Variants in SMG1 observed in about 807,000 individuals in gnomAD.
SMG1 encodes serine/threonine-protein kinase SMG1.
A neutral mutation model predicts 419.9 loss-of-function variants in SMG1; 22 were observed. The observed-to-expected ratio is 0.05, with a 90% CI of 0.04 to 0.07. The LOEUF is 0.07. SMG1 is among the 10% of genes least tolerant of loss of function. The pLI is 1.00. For missense variants in SMG1, 3,185 were observed against 4,342.0 expected (o/e 0.73, Z 7.49); for synonymous variants, 1,538 against 1,553.5 (o/e 0.99, Z 0.23).
At chr16:18,907,738 G>A (rs1311354237) in intron 1 of SMG1, among the ~76,000 whole-genome samples, 2 of 149,378 alleles carry the variant, frequency 1.3e-5, no homozygotes, top group Non-Finnish European at 3.0e-5. Flanking sequence ...TGTAGTCCCA[G>A]CTACTCAGGG....
intron 1 of SMG1, among the ~76,000 whole-genome samples, chr16:18,916,513 C>CAAAAAA (rs59985733): frequency 1.6e-3 from 112 of 68,870 alleles, no homozygotes; most frequent in East Asian, 2.2e-3. Flanking sequence ...GACTCCATCT[C>CAAAAAA]AAAAAAAAAA....
intron 6 of SMG1, among the ~76,000 whole-genome samples, chr16:18,887,380 C>A (rs573001346): frequency 6.6e-6 from 1 of 151,734 alleles, no homozygotes; most frequent in Non-Finnish European, 1.5e-5. Flanking sequence ...GATAGGGTTG[C>A]CTATAATGGA....
At chr16:18,888,451 T>G (rs2141782148) in intron 6 of SMG1, among the ~76,000 whole-genome samples, 1 of 148,994 alleles carries the variant, frequency 6.7e-6, no homozygotes, top group Non-Finnish European at 1.5e-5. Flanking sequence ...AAAAAAACAT[T>G]TCTAAAAACC....
intron 1 of SMG1, among the ~76,000 whole-genome samples, chr16:18,916,785 C>A (rs996768267): frequency 6.6e-6 from 1 of 151,882 alleles, no homozygotes; most frequent in African/African-American, 2.4e-5. Flanking sequence ...AGACAGGTAA[C>A]CAAAATAATG....
intron 1 of SMG1, among the ~76,000 whole-genome samples, chr16:18,909,805 G>A (rs2037720185): frequency 6.6e-6 from 1 of 151,982 alleles, no homozygotes; most frequent in Non-Finnish European, 1.5e-5. Context: ...GCAGTAGCCA[G>A]AAATTTACTG....
chr16:18,887,762 TAAAAAAAAAAAAAAAAAAAAAAAAA>T (rs57393561), intron 6 of SMG1, among the ~76,000 whole-genome samples: 1 of 38,286 alleles, frequency 2.6e-5, no homozygotes, highest in Non-Finnish European at 4.2e-5. Flanking sequence ...TCAAAAACAG[TAAAAAAAAAAAAAAAAAAAAAAAAA>T]AAAAAAAAAA....
chr16:18,816,837 T>C (rs1262764670), intron 57 of SMG1, among the ~76,000 whole-genome samples: 1 of 152,188 alleles, frequency 6.6e-6, no homozygotes, highest in Non-Finnish European at 1.5e-5. Context: ...AAATAACTCT[T>C]CGAGATGAAA....
intron 1 of SMG1, among the ~76,000 whole-genome samples, chr16:18,922,924 A>T (rs1272677291): frequency 6.6e-6 from 1 of 152,202 alleles, no homozygotes; most frequent in African/African-American, 2.4e-5. Flanking sequence ...TCTACAAAAA[A>T]TACAAAAATG....
At chr16:18,885,011 G>T (rs2036556855) in intron 8 of SMG1, 79 bp downstream of exon 8, 3 of 653,922 alleles carry the variant, frequency 4.6e-6, no homozygotes, top group African/African-American at 1.8e-5. Flanking sequence ...TAAAGAAATG[G>T]TATTGATAGA....
chr16:18,925,768 C>T (rs12928244), intron 1 of SMG1, 182 bp downstream of exon 1: 2 of 481,292 alleles, frequency 4.2e-6, no homozygotes, highest in Non-Finnish European at 7.2e-6. Context: ...AGGGGAGGCA[C>T]TTAGGCCTCG....
chr16:18,887,996 T>C (rs1041081723), intron 6 of SMG1, among the ~76,000 whole-genome samples: 8 of 150,666 alleles, frequency 5.3e-5, no homozygotes, highest in African/African-American at 1.9e-4. Context: ...CGAAACCCCA[T>C]CTCTATCAAA....
intron 1 of SMG1, among the ~76,000 whole-genome samples, chr16:18,921,864 A>G (rs1170051257): frequency 6.6e-6 from 1 of 152,302 alleles, no homozygotes; most frequent in East Asian, 1.9e-4. Context: ...TGAATACTTT[A>G]ATCTGTCTAC....
chr16:18,867,578 TAAAC>T (rs928503535), intron 22 of SMG1, among the ~76,000 whole-genome samples: 2 of 150,698 alleles, frequency 1.3e-5, no homozygotes, highest in African/African-American at 2.4e-5. Context: ...ATTTATCCCA[TAAAC>T]AAATTTTCAG....
At chr16:18,830,413 T>C in intron 51 of SMG1, 44 bp from the exon 52 acceptor site, 1 of 1,602,432 alleles carries the variant, frequency 6.2e-7, no homozygotes, top group Non-Finnish European at 8.5e-7. Context: ...TGAAAAGTAA[T>C]GCCTTTGGTG....
Position 18,809,244 on chromosome 16 carries a change from C to T in SMG1, c.*325G>A, listed in dbSNP as rs1462688560. ...GAGTTCCAAATCACTCTGTGCTCCGCGGCATCCCGATTTCTTTCCGCAGCT... is the reference window on the plus strand; with the variant it reads ...GAGTTCCAAATCACTCTGTGCTCCGTGGCATCCCGATTTCTTTCCGCAGCT... On this transcript the variant is annotated 3_prime_UTR_variant, in exon 63 of 63. Transcript: ENST00000446231. 1.4e-5 allele frequency: 4 copies of T among 293,584 alleles called. No individual in the cohort carries two copies. The East Asian group carries it at 2.1e-4, about 16-fold the overall frequency. The allele number at this position is 293,584 out of a possible 1,614,324, so 18.2% of individuals were successfully genotyped here.
At chr16:18,867,732 G>A (rs573188005) in intron 22 of SMG1, among the ~76,000 whole-genome samples, 14 of 123,224 alleles carry the variant, frequency 1.1e-4, no homozygotes, top group East Asian at 4.5e-4. Context: ...TTTCTGAGGC[G>A]GAGTCTTGCT....
chr16:18,833,189 C>CT (rs779590700), intron 50 of SMG1, 23 bp from the exon 51 acceptor site: 4 of 1,594,944 alleles, frequency 2.5e-6, no homozygotes, highest in Non-Finnish European at 3.4e-6. Flanking sequence ...GAGAAAAAAA[C>CT]TTTTAATGTT....
chr16:18,907,691 T>A (rs377572474), intron 1 of SMG1, among the ~76,000 whole-genome samples: 1 of 150,986 alleles, frequency 6.6e-6, no homozygotes, highest in Non-Finnish European at 1.5e-5. Context: ...CTACCAAAAA[T>A]ACACAAAAAC....
Position 18,806,763 on chromosome 16 carries a change from G to C in SMG1, c.*2806C>G, listed in dbSNP as rs539874251. 2.0e-5 allele frequency: 3 copies of C among 152,334 alleles called. No individual in the cohort carries two copies. Among genetic ancestry groups the C allele is most frequent in the African/African-American group, 7.2e-5 (3 of 41,552 alleles). The allele number at this position is 152,334 out of a possible 1,614,324, so 9.4% of individuals were successfully genotyped here. On this transcript the variant is annotated 3_prime_UTR_variant, in exon 63 of 63. Transcript: ENST00000446231. ...GCGACAGAGGAATGGAGGGAAAGGG[G>C]GAGGCAAGAGAGAGAAACAGGAGAG...
Sources: gnomAD v4.1 joint callset for allele counts (sites outside exome capture counted in the v4.1 genomes callset) on GRCh38, gnomAD v4.1.1 for gene constraint, MANE v1.5 for transcripts, NCBI Gene and HGNC (gene_info 2026-07-23, HGNC 2026-07-21) for gene names.